SNX27: variants seen among roughly 807,000 people sequenced by gnomAD.
SNX27 encodes the protein sorting nexin-27.
SNX27 carries 22 observed loss-of-function variants against 71.6 expected under a neutral mutation model. The ratio of observed to expected loss-of-function variants is 0.31; its 90% CI spans 0.22 to 0.44. The LOEUF (loss-of-function observed/expected upper bound fraction) is 0.44. Among genes scored for constraint, SNX27 ranks in the 20% least tolerant of loss-of-function variants. The pLI, the probability that SNX27 is intolerant of heterozygous loss-of-function variation, is 1.00. For missense variants in SNX27, 531 were observed against 698.6 expected, an observed-to-expected ratio of 0.76 and a Z score of 2.70; for synonymous variants, 269 against 277.2, an observed-to-expected ratio of 0.97 and a Z score of 0.29.
chr1:151,663,100 A>G (rs1269750490), intron 5 of SNX27, among the ~76,000 whole-genome samples: 1 of 151,934 alleles, frequency 6.6e-6, no homozygotes, highest in East Asian at 1.9e-4. Flanking sequence ...ATGATTTTTT[A>G]CATTTGGTTT....
At chr1:151,664,208 A>ATAT (rs35627789) in intron 5 of SNX27, among the ~76,000 whole-genome samples, 137,164 of 146,628 alleles carry the variant, frequency 0.94, 64,680 homozygotes, top group Non-Finnish European at 0.99. Flanking sequence ...CAAATAATAT[A>ATAT]TATTTAATAT....
intron 2 of SNX27, among the ~76,000 whole-genome samples, chr1:151,647,978 T>C (rs1448587137): frequency 6.6e-6 from 1 of 151,774 alleles, no homozygotes; most frequent in African/African-American, 2.4e-5. Context: ...AATAAATTTG[T>C]GCATTTAAGA....
chr1:151,630,218 GC>G lies in SNX27; in HGVS notation c.312-8669del, dbSNP rs1668159818. On this transcript the variant is annotated intron_variant, in intron 1 of 11. Coordinates refer to ENST00000458013, the MANE Select transcript of SNX27 (RefSeq NM_001330723.2). ...ATTGTAAAATTTTTGCCCTTACGAA[GC>G]TCATATTTTGGTCATTGCCTTAGGA... 3.3e-5 allele frequency among the ~76,000 whole-genome samples: 5 copies of G among 151,882 alleles called. No homozygotes were observed. In the South Asian group the frequency reaches 1.0e-3, roughly 32 times the overall value.
At chr1:151,693,130 C>G in intron 10 of SNX27, 91 bp downstream of exon 10, 1 of 1,514,022 alleles carries the variant, frequency 6.6e-7, no homozygotes, top group Non-Finnish European at 9.0e-7. Flanking sequence ...AGAGATAGAG[C>G]TAGTAGTTGT....
chr1:151,685,033 T>C (rs1293952360), intron 8 of SNX27, among the ~76,000 whole-genome samples: 2 of 152,086 alleles, frequency 1.3e-5, no homozygotes, highest in Non-Finnish European at 2.9e-5. Context: ...GGTCTCGAAC[T>C]CCAGACCTTG....
chr1:151,689,328 A>G (rs978260070), intron 8 of SNX27, among the ~76,000 whole-genome samples: 1 of 152,188 alleles, frequency 6.6e-6, no homozygotes, highest in African/African-American at 2.4e-5. Context: ...GCTCCAGTGC[A>G]TATATTTTTC....
In SNX27 at chr1:151,612,646, C is replaced by A. The variant is rs938393499; in HGVS notation, c.311+134C>A. 5.9e-6 allele frequency: 4 copies of A among 677,484 alleles called. No homozygotes were observed. The highest frequency in any genetic ancestry group is 3.8e-5 in the African/African-American group (2 of 53,208). The allele number at this position is 677,484 out of a possible 1,614,324, so 42.0% of individuals were successfully genotyped here. Reference sequence around the variant, plus strand: ...GGCCTCCGGACCCCCGCCCCTCAGGCCTCCGCAGCCGGGCCCCTCCTTGTG... The same window carrying A: ...GGCCTCCGGACCCCCGCCCCTCAGGACTCCGCAGCCGGGCCCCTCCTTGTG... On this transcript the variant is annotated intron_variant, in intron 1 of 11. Coordinates refer to ENST00000458013, the MANE Select transcript of SNX27 (RefSeq NM_001330723.2). This position sits in a 1 kb window ranked among gnomAD's most constrained non-coding sequence, Gnocchi z 5.2.
intron 2 of SNX27, among the ~76,000 whole-genome samples, chr1:151,641,598 G>GATATAT (rs56886589): frequency 0.089 from 6,954 of 78,536 alleles, 535 homozygotes; most frequent in Non-Finnish European, 0.12. Flanking sequence ...TCCTTTATCA[G>GATATAT]ATATATATAT....
Position 151,660,847 on chromosome 1 carries a change from A to G in SNX27, c.786A>G (p.Leu262=), listed in dbSNP as rs745510590. The part of the protein sequence containing the change: ...IGESDIMQEF[L]SESDENYNGV... ...AGAGTGACATCATGCAGGAATTCCT[A>G]TCAGAATCCGATGAGGTAGGTGAAT... The change falls in exon 4 of 12, where the codon CTA becomes CTG. Residue 262 remains leucine, a synonymous_variant. Coordinates refer to ENST00000458013, the MANE Select transcript of SNX27 (RefSeq NM_001330723.2). 1.1e-5 allele frequency: 17 copies of G among 1,611,694 alleles called. No homozygotes were observed. The highest frequency in any genetic ancestry group is 2.2e-5 in the South Asian group (2 of 91,042).
chr1:151,616,528 A>T (rs1043955355), intron 1 of SNX27, among the ~76,000 whole-genome samples: 1 of 152,228 alleles, frequency 6.6e-6, no homozygotes, highest in African/African-American at 2.4e-5. Flanking sequence ...GTGTATATCA[A>T]TTTGTTTTTT....
chr1:151,689,852 T>C (rs1671357692), intron 8 of SNX27, among the ~76,000 whole-genome samples: 1 of 70,272 alleles, frequency 1.4e-5, no homozygotes, highest in Non-Finnish European at 3.2e-5. Context: ...TATATATACT[T>C]TTTTTTTTTT....
intron 6 of SNX27, chr1:151,666,874 A>G (rs1027419628): frequency 3.3e-5 from 5 of 152,206 alleles, no homozygotes; most frequent in Admixed American, 6.5e-5. Flanking sequence ...CTAAGGTACC[A>G]GGACATCTGG....
At chr1:151,692,730 C>T (rs1671515522) in intron 9 of SNX27, 146 bp downstream of exon 9, 1 of 1,391,470 alleles carries the variant, frequency 7.2e-7, no homozygotes, top group South Asian at 1.4e-5. Flanking sequence ...GGAATCCACA[C>T]TGATCCTCAA....
chr1:151,684,673 C>A (rs553397294), intron 8 of SNX27, among the ~76,000 whole-genome samples: 1 of 152,190 alleles, frequency 6.6e-6, no homozygotes, highest in African/African-American at 2.4e-5. Flanking sequence ...AATATTAAAT[C>A]AAAAATGCAT....
At chr1:151,654,503 G>A (rs1669584066) in intron 2 of SNX27, among the ~76,000 whole-genome samples, 1 of 152,020 alleles carries the variant, frequency 6.6e-6, no homozygotes, top group South Asian at 2.1e-4. Context: ...CAGGGGTATA[G>A]AGTATTTTAC....
intron 8 of SNX27, chr1:151,685,199 C>T (rs1407336161): frequency 3.9e-5 from 6 of 152,116 alleles, no homozygotes; most frequent in Non-Finnish European, 8.8e-5. Context: ...ATGTCTACTG[C>T]ACACACATTG....
At chr1:151,684,576 A>AT (rs1671111899) in intron 8 of SNX27, among the ~76,000 whole-genome samples, 2 of 152,248 alleles carry the variant, frequency 1.3e-5, no homozygotes, top group African/African-American at 4.8e-5. Context: ...CTCTTGGCAG[A>AT]TTCACATGCA....
chr1:151,693,783 TCACCCTC>T, intron 11 of SNX27: 1 of 1,472,368 alleles, frequency 6.8e-7, no homozygotes, highest in Non-Finnish European at 8.9e-7. Context: ...TTAAATCAGA[TCACCCTC>T]CATGTTGTTC....
At chr1:151,620,716 G>A (rs1437118022) in intron 1 of SNX27, among the ~76,000 whole-genome samples, 2 of 146,992 alleles carry the variant, frequency 1.4e-5, no homozygotes, top group East Asian at 2.0e-4. Flanking sequence ...TTGTGACAGA[G>A]TCTTGCTCTG....
Sources: gnomAD v4.1 joint callset for allele counts (sites outside exome capture counted in the v4.1 genomes callset) on GRCh38, gnomAD v4.1.1 for gene constraint, Gnocchi (gnomAD v3.1) non-coding constraint, MANE v1.5 for transcripts, NCBI Gene and HGNC (gene_info 2026-07-23, HGNC 2026-07-21) for gene names.